SHISA9: variants seen among roughly 807,000 people sequenced by gnomAD.
SHISA9 encodes the protein shisa family member 9, also known as protein shisa-9.
A neutral mutation model predicts 38.0 loss-of-function variants in SHISA9; 13 were observed. The ratio of observed to expected loss-of-function variants is 0.34; its 90% CI spans 0.22 to 0.54. The LOEUF (loss-of-function observed/expected upper bound fraction) is 0.54, where lower values mean the gene tolerates loss of function less well. Ranked by LOEUF, SHISA9 falls within the 20% of genes least tolerant of loss-of-function variation. The pLI, the probability that SHISA9 is intolerant of heterozygous loss-of-function variation, is 0.91. For missense variants in SHISA9, 538 were observed against 575.8 expected (o/e 0.93, Z 0.67); for synonymous variants, 275 against 242.0 (o/e 1.14, Z -1.27).
intron 2 of SHISA9, among the ~76,000 whole-genome samples, chr16:12,975,597 G>T (rs2072148090): frequency 7.1e-6 from 1 of 141,130 alleles, no homozygotes; most frequent in Non-Finnish European, 1.5e-5. Flanking sequence ...ACATATTTAG[G>T]TGATAATGAC....
At chr16:13,188,065 C>G (rs1277618407) in intron 2 of SHISA9, among the ~76,000 whole-genome samples, 1 of 152,158 alleles carries the variant, frequency 6.6e-6, no homozygotes, top group Non-Finnish European at 1.5e-5. Context: ...AGCTGAGCCT[C>G]ATTTTTCTCA....
At chr16:12,968,679 G>A (rs1344100288) in intron 2 of SHISA9, among the ~76,000 whole-genome samples, 1 of 152,194 alleles carries the variant, frequency 6.6e-6, no homozygotes, top group African/African-American at 2.4e-5. Context: ...GTGTGGTTCT[G>A]TTTATGGAAA....
At chr16:12,926,871 G>T (rs559320025) in intron 2 of SHISA9, among the ~76,000 whole-genome samples, 4 of 152,164 alleles carry the variant, frequency 2.6e-5, no homozygotes, top group Non-Finnish European at 5.9e-5. Context: ...TTACACTATA[G>T]ATCTTTCTTG....
chr16:13,275,975 CGTGA>C, the SHISA9 span, among the ~76,000 whole-genome samples: 3 of 151,726 alleles, frequency 2.0e-5, no homozygotes, highest in African/African-American at 4.8e-5. Flanking sequence ...TATTTGGTTA[CGTGA>C]GTAAGTTCTT....
intron 2 of SHISA9, among the ~76,000 whole-genome samples, chr16:13,046,895 G>A (rs1002883471): frequency 2.0e-5 from 3 of 151,966 alleles, no homozygotes; most frequent in Non-Finnish European, 1.5e-5. Context: ...CCATTCCCCC[G>A]GTTATGTCCT....
intron 2 of SHISA9, among the ~76,000 whole-genome samples, chr16:12,926,219 C>T (rs2071391799): frequency 6.6e-6 from 1 of 152,046 alleles, no homozygotes; most frequent in Admixed American, 6.6e-5. Flanking sequence ...TAGTTATGAC[C>T]TTTCTCATGC....
chr16:13,465,821 T>C, the SHISA9 span, among the ~76,000 whole-genome samples: 2 of 152,236 alleles, frequency 1.3e-5, no homozygotes, highest in Non-Finnish European at 2.9e-5. Context: ...CTATGGCCAA[T>C]GGGTCAAATG....
At chr16:13,114,114 C>T (rs1416082075) in intron 2 of SHISA9, among the ~76,000 whole-genome samples, 2 of 152,090 alleles carry the variant, frequency 1.3e-5, no homozygotes, top group Non-Finnish European at 2.9e-5. Flanking sequence ...ATTGAAGGCT[C>T]CCCCACTGCC....
At chr16:12,971,966 C>A (rs1395224650) in intron 2 of SHISA9, among the ~76,000 whole-genome samples, 1 of 151,394 alleles carries the variant, frequency 6.6e-6, no homozygotes, top group Non-Finnish European at 1.5e-5. Flanking sequence ...CATGCTTAAT[C>A]TATGCCAGAC....
chr16:12,994,434 G>A (rs1278831496), intron 2 of SHISA9, among the ~76,000 whole-genome samples: 1 of 152,172 alleles, frequency 6.6e-6, no homozygotes, highest in Admixed American at 6.5e-5. Context: ...TGTAATATGA[G>A]CAGAACTGAG....
intron 2 of SHISA9, among the ~76,000 whole-genome samples, chr16:13,162,046 G>T (rs1377746651): frequency 6.6e-6 from 1 of 152,160 alleles, no homozygotes; most frequent in East Asian, 1.9e-4. Context: ...ATTAGAAGGG[G>T]ATAATGTAAT....
intron 2 of SHISA9, among the ~76,000 whole-genome samples, chr16:13,032,706 A>G (rs1236165627): frequency 1.3e-5 from 2 of 152,194 alleles, no homozygotes; most frequent in South Asian, 4.1e-4. Context: ...TTTCTATTAT[A>G]TCTTATGGAA....
chr16:13,180,687 G>T (rs2050769809), intron 2 of SHISA9, among the ~76,000 whole-genome samples: 1 of 152,124 alleles, frequency 6.6e-6, no homozygotes, highest in Non-Finnish European at 1.5e-5. Context: ...GACAGAGTGA[G>T]ACCCTGTCTC....
the SHISA9 span, among the ~76,000 whole-genome samples, chr16:13,293,069 T>C: frequency 6.6e-6 from 1 of 152,118 alleles, no homozygotes; most frequent in East Asian, 1.9e-4. Context: ...GGCTACTGTA[T>C]TTACTGGAGC....
intron 2 of SHISA9, among the ~76,000 whole-genome samples, chr16:13,139,443 T>TTC (rs1175480563): frequency 6.3e-5 from 9 of 142,422 alleles, no homozygotes; most frequent in African/African-American, 2.3e-4. Context: ...CTTCTCTTCC[T>TTC]CTTCCTCTCC....
chr16:13,327,245 C>T, the SHISA9 span, among the ~76,000 whole-genome samples: 6 of 152,046 alleles, frequency 3.9e-5, no homozygotes, highest in African/African-American at 9.7e-5. Context: ...GGAAGGGAGC[C>T]GAGAGCCATG....
intron 2 of SHISA9, among the ~76,000 whole-genome samples, chr16:13,154,412 G>T (rs564560773): frequency 2.6e-5 from 4 of 152,134 alleles, no homozygotes; most frequent in African/African-American, 4.8e-5. Context: ...GAAATGTAGC[G>T]GATCTCTTCT....
intron 2 of SHISA9, among the ~76,000 whole-genome samples, chr16:13,084,426 G>T (rs913466065): frequency 6.6e-6 from 1 of 152,220 alleles, no homozygotes; most frequent in Non-Finnish European, 1.5e-5. Flanking sequence ...CTTGCTTCAG[G>T]AGAGGCTTGT....
At chr16:13,311,046 T>G in the SHISA9 span, among the ~76,000 whole-genome samples, 3 of 152,118 alleles carry the variant, frequency 2.0e-5, no homozygotes, top group Non-Finnish European at 4.4e-5. Context: ...GATTTCAGGT[T>G]GTAAGCAGGA....
Sources: gnomAD v4.1 joint callset for allele counts (sites outside exome capture counted in the v4.1 genomes callset) on GRCh38, gnomAD v4.1.1 for gene constraint, MANE v1.5 for transcripts, NCBI Gene and HGNC (gene_info 2026-07-23, HGNC 2026-07-21) for gene names.